Variants in DHX15 observed in about 807,000 individuals in gnomAD.
DHX15 encodes DEAH-box helicase 15.
In DHX15, 11 loss-of-function variants were observed where a neutral mutation model predicts 94.4. The ratio of observed to expected loss-of-function variants is 0.12; its 90% confidence interval spans 0.07 to 0.19. The LOEUF (loss-of-function observed/expected upper bound fraction) is 0.19. Ranked by LOEUF, DHX15 falls within the 10% of genes least tolerant of loss-of-function variation. DHX15 has a pLI of 1.00. For synonymous variants in DHX15, 338 were observed against 329.9 expected (o/e 1.02, Z -0.27); for missense variants, 304 against 988.5 (o/e 0.31, Z 9.29).
Position 24,569,980 on chromosome 4 carries a change from C to T in DHX15, c.701+674G>A, listed in dbSNP as rs114646670. Among the ~76,000 whole-genome samples, 1,305 of 152,312 alleles carry T rather than the reference C, an allele frequency of 8.6e-3. 23 individuals carry two copies. Among genetic ancestry groups the T allele is most frequent in the African/African-American group, 0.029 (1,208 of 41,554 alleles). ...AAAGGACTTAAATATCACATAAATA[C>T]AGAATAAGCAGAAGCAACCAGAGGG... On this transcript the variant is annotated intron_variant, in intron 3 of 13. Coordinates refer to ENST00000336812, the MANE Select transcript of DHX15 (RefSeq NM_001358.3).
intron 1 of DHX15, 33 bp downstream of exon 1, chr4:24,584,290 G>A (rs2109015640): frequency 4.4e-6 from 7 of 1,598,612 alleles, no homozygotes; most frequent in South Asian, 3.4e-5. Context: ...AACAAAGCCC[G>A]AGCTGCCGCC....
At chr4:24,547,297 A>G (rs912529631) in intron 6 of DHX15, among the ~76,000 whole-genome samples, 8 of 152,266 alleles carry the variant, frequency 5.3e-5, no homozygotes, top group Non-Finnish European at 8.8e-5. Flanking sequence ...ATCAGTCCTC[A>G]GAGTGAGCCC....
intron 2 of DHX15, among the ~76,000 whole-genome samples, chr4:24,575,292 T>C (rs1479348585): frequency 6.6e-6 from 1 of 152,188 alleles, no homozygotes; most frequent in Non-Finnish European, 1.5e-5. Context: ...AAATTGTGTA[T>C]GCGGTATGTT....
intron 11 of DHX15, among the ~76,000 whole-genome samples, chr4:24,534,373 T>C (rs745619846): frequency 9.2e-5 from 14 of 152,228 alleles, no homozygotes; most frequent in Non-Finnish European, 1.6e-4. Context: ...CTTTTTTGTG[T>C]GGTTCTCAAT....
At chr4:24,576,719 C>T (rs1375639792) in intron 1 of DHX15, 41 bp from the exon 2 acceptor site, 8 of 1,598,868 alleles carry the variant, frequency 5.0e-6, no homozygotes, top group Non-Finnish European at 6.8e-6. Flanking sequence ...GAATTTTATG[C>T]AGAATGTTCA....
intron 5 of DHX15, among the ~76,000 whole-genome samples, chr4:24,550,884 G>T (rs567811397): frequency 6.6e-6 from 1 of 152,330 alleles, no homozygotes; most frequent in East Asian, 1.9e-4. Flanking sequence ...ACAACTGGCA[G>T]CAAAGTAGGT....
In DHX15 at chr4:24,527,918, C is replaced by G; in HGVS notation, c.*6G>C. On this transcript the variant is annotated 3_prime_UTR_variant, in exon 14 of 14. Coordinates refer to ENST00000336812, the MANE Select transcript of DHX15 (RefSeq NM_001358.3). ...CTCTCAATAACTTCAGTTCTAAGCACTGAATTCAGTACTGTGAATATTCCT... is the reference window on the plus strand; with the variant it reads ...CTCTCAATAACTTCAGTTCTAAGCAGTGAATTCAGTACTGTGAATATTCCT... 1 of 1,598,512 alleles carries G rather than the reference C, an allele frequency of 6.3e-7. No individual in the cohort carries two copies. Among genetic ancestry groups the G allele is most frequent in the South Asian group, 1.1e-5 (1 of 90,670 alleles).
chr4:24,546,226 C>CATTAAGTCTTT (rs1721421604), intron 6 of DHX15, among the ~76,000 whole-genome samples: 1 of 152,174 alleles, frequency 6.6e-6, no homozygotes, highest in Admixed American at 6.5e-5. Flanking sequence ...ATCTTCAGAT[C>CATTAAGTCTTT]CTGGATCATT....
chr4:24,542,523 CAGCACTGTTAAACT>C (rs1238611923), intron 7 of DHX15, among the ~76,000 whole-genome samples: 5 of 152,086 alleles, frequency 3.3e-5, no homozygotes, highest in Admixed American at 2.0e-4. Flanking sequence ...ATTTAGTATA[CAGCACTGTTAAACT>C]AGAGGAGTAA....
rs1421560262 is a variant in DHX15, at chr4:24,584,442, G to A, written c.-49C>T. 1 of 1,577,446 alleles carries A rather than the reference G, an allele frequency of 6.3e-7. No homozygotes were observed. Among genetic ancestry groups the A allele is most frequent in the Non-Finnish European group, 8.6e-7 (1 of 1,156,920 alleles). ...TTATTAAGGAAGAAAGCTGGCTGCT[G>A]TATGGGCACAGTCGAGGACAGCCAC... On this transcript the variant is annotated 5_prime_UTR_variant, in exon 1 of 14. Transcript: ENST00000336812.
intron 2 of DHX15, among the ~76,000 whole-genome samples, chr4:24,573,642 CTTCAA>C (rs1230282531): frequency 1.3e-5 from 2 of 152,130 alleles, no homozygotes; most frequent in Admixed American, 6.5e-5. Context: ...CATCATTCCT[CTTCAA>C]TTCAAGAGCT....
intron 4 of DHX15, 60 bp from the exon 5 acceptor site, chr4:24,555,003 G>A (rs991425640): frequency 3.8e-5 from 50 of 1,333,322 alleles, no homozygotes; most frequent in Non-Finnish European, 5.2e-5. Flanking sequence ...TGGTCTTACA[G>A]TATAGCAATA....
At chr4:24,535,430 AG>A (rs1162608015) in intron 11 of DHX15, among the ~76,000 whole-genome samples, 1 of 152,192 alleles carries the variant, frequency 6.6e-6, no homozygotes, top group Non-Finnish European at 1.5e-5. Flanking sequence ...CGCATAGAAG[AG>A]GAATACAGTA....
intron 3 of DHX15, among the ~76,000 whole-genome samples, chr4:24,559,522 C>G (rs1257279456): frequency 6.6e-6 from 1 of 152,006 alleles, no homozygotes; most frequent in African/African-American, 2.4e-5. Flanking sequence ...AACTACAGTC[C>G]ATTTTCCTTT....
In DHX15 at chr4:24,529,801, C is replaced by G. The variant is rs371155053; in HGVS notation, c.2101-31G>C. 25 of 1,610,202 alleles carry G rather than the reference C, an allele frequency of 1.6e-5. No individual in the cohort carries two copies. The East Asian group carries it at 3.3e-4, about 22-fold the overall frequency. On this transcript the variant is annotated intron_variant, in intron 12 of 13. Coordinates refer to ENST00000336812, the MANE Select transcript of DHX15 (RefSeq NM_001358.3). ...ACCAAAACCCAGTATATTATTAATACAATGCTTCTGACTTGCTAGTTGTAA... is the reference window on the plus strand; with the variant it reads ...ACCAAAACCCAGTATATTATTAATAGAATGCTTCTGACTTGCTAGTTGTAA...
chr4:24,581,510 T>G (rs779293190), intron 1 of DHX15, among the ~76,000 whole-genome samples: 1 of 152,220 alleles, frequency 6.6e-6, no homozygotes, highest in Non-Finnish European at 1.5e-5. Flanking sequence ...TATCCAAAGA[T>G]GGAGATGAAG....
chr4:24,567,267 G>A (rs998239608), intron 3 of DHX15, among the ~76,000 whole-genome samples: 1 of 152,174 alleles, frequency 6.6e-6, no homozygotes, highest in Non-Finnish European at 1.5e-5. Context: ...AACTGAAGGT[G>A]ATTTCCTGAA....
chr4:24,580,542 T>TCTGTTAC (rs1722387576), intron 1 of DHX15, among the ~76,000 whole-genome samples: 1 of 149,782 alleles, frequency 6.7e-6, no homozygotes, highest in African/African-American at 2.5e-5. Context: ...ACAGTCTACC[T>TCTGTTAC]CTGTTACCCA....
chr4:24,532,847 CCATATTATCTA>C lies in DHX15; in HGVS notation c.2100+6_2100+16del, dbSNP rs1422232973. On this transcript the variant is annotated splice_donor_region_variant and intron_variant, in intron 12 of 13. Coordinates refer to ENST00000336812, the MANE Select transcript of DHX15 (RefSeq NM_001358.3). ...CATATGAATACTTAGTTATTCATTC[CCATATTATCTA>C]CATACCTGCATAAAATACCCAGTAA... is the stretch of plus-strand genomic sequence containing the variant. The C allele has an allele frequency of 6.5e-7, 1 of 1,539,208 alleles. No homozygotes were observed.
Sources: allele counts gnomAD v4.1 joint callset (sites outside exome capture counted in the v4.1 genomes callset), GRCh38; gene constraint gnomAD v4.1.1; transcripts MANE v1.5; gene names NCBI Gene and HGNC (gene_info 2026-07-23, HGNC 2026-07-21).